Variants in TBXAS1 observed in about 807,000 individuals in gnomAD.
TBXAS1 encodes the protein thromboxane A synthase 1, also known as thromboxane-A synthase.
In TBXAS1, 48 loss-of-function variants were observed where a neutral mutation model predicts 60.7. The ratio of observed to expected loss-of-function variants is 0.79; its 90% CI spans 0.63 to 1.01. The LOEUF is 1.01. TBXAS1 is among the 50% of genes least tolerant of loss of function. The pLI, the probability that TBXAS1 is intolerant of heterozygous loss-of-function variation, is 0.00. For synonymous variants in TBXAS1, 287 were observed against 269.7 expected (o/e 1.06, Z -0.63); for missense variants, 685 against 686.3 (o/e 1.00, Z 0.02).
At chr7:139,800,604 C>A (rs1180895916) in intron 4 of TBXAS1, among the ~76,000 whole-genome samples, 1 of 152,198 alleles carries the variant, frequency 6.6e-6, no homozygotes, top group Non-Finnish European at 1.5e-5. Context: ...CTCCCCCAGA[C>A]CTGAAGCTCC....
At chr7:139,785,365 A>C (rs1217837302) in intron 3 of TBXAS1, among the ~76,000 whole-genome samples, 1 of 152,086 alleles carries the variant, frequency 6.6e-6, no homozygotes, top group Admixed American at 6.6e-5. Flanking sequence ...CACTGCTACC[A>C]AATGGAACTC....
chr7:139,987,602 A>G (rs558356625), intron 9 of TBXAS1, among the ~76,000 whole-genome samples: 5 of 152,250 alleles, frequency 3.3e-5, no homozygotes, highest in African/African-American at 1.2e-4. Context: ...GTGTCTTCCA[A>G]CTTCACTTGC....
chr7:139,995,517 G>A (rs2284212), intron 9 of TBXAS1, among the ~76,000 whole-genome samples: 53,267 of 151,902 alleles, frequency 0.35, 10,332 homozygotes, highest in African/African-American at 0.52. Context: ...GCATCAGACC[G>A]GTCCAGAGGT....
intron 1 of TBXAS1, among the ~76,000 whole-genome samples, chr7:139,850,288 A>G (rs1800122709): frequency 1.3e-5 from 2 of 152,246 alleles, no homozygotes; most frequent in South Asian, 4.1e-4. Flanking sequence ...TTTCCTATAA[A>G]AAAGATGTGC....
chr7:139,960,776 C>T (rs1300961949), intron 8 of TBXAS1, among the ~76,000 whole-genome samples: 2 of 151,576 alleles, frequency 1.3e-5, no homozygotes, highest in African/African-American at 4.8e-5. Context: ...ATGTGTGTGG[C>T]ATAGATTATT....
intron 4 of TBXAS1, among the ~76,000 whole-genome samples, chr7:139,934,116 T>A (rs192706425): frequency 1.1e-4 from 16 of 152,330 alleles, no homozygotes; most frequent in African/African-American, 3.8e-4. Context: ...ATCTAGTTGT[T>A]AGCTTATGAG....
intron 9 of TBXAS1, among the ~76,000 whole-genome samples, chr7:139,993,665 C>T (rs1289600080): frequency 6.6e-6 from 1 of 152,110 alleles, no homozygotes; most frequent in Non-Finnish European, 1.5e-5. Context: ...AGTTTCTCCT[C>T]CTGGATTTTG....
intron 4 of TBXAS1, among the ~76,000 whole-genome samples, chr7:139,806,049 C>G (rs1797866444): frequency 2.0e-5 from 3 of 150,492 alleles, no homozygotes; most frequent in African/African-American, 7.3e-5. Context: ...ATTCTCCTGC[C>G]TCAGCCTCCC....
chr7:139,862,723 G>A (rs1801058228), intron 1 of TBXAS1, among the ~76,000 whole-genome samples: 1 of 152,182 alleles, frequency 6.6e-6, no homozygotes, highest in African/African-American at 2.4e-5. Context: ...AATGAGTAAG[G>A]ACAAGGAGCA....
At chr7:140,019,668 T>C (rs1202602430) in intron 12 of TBXAS1, among the ~76,000 whole-genome samples, 1 of 152,228 alleles carries the variant, frequency 6.6e-6, no homozygotes, top group Non-Finnish European at 1.5e-5. Context: ...TTGGTTTTTC[T>C]TCAAAGTCCC....
intron 5 of TBXAS1, among the ~76,000 whole-genome samples, chr7:139,939,779 A>G (rs1228332081): frequency 6.6e-6 from 1 of 152,102 alleles, no homozygotes; most frequent in Non-Finnish European, 1.5e-5. Context: ...TATAAAGAAG[A>G]CTCAGGAAGA....
chr7:139,793,312 C>G (rs928938490), intron 4 of TBXAS1, among the ~76,000 whole-genome samples: 1 of 152,018 alleles, frequency 6.6e-6, no homozygotes, highest in Non-Finnish European at 1.5e-5. Context: ...CCCAGCTACT[C>G]AAGAGGCCAA....
rs78900031 is a variant in TBXAS1, at chr7:139,916,537, A to G, written c.333+5216A>G. ...TGGGTGGTTTTATCCCGAACCATCA[A>G]TACCCGGCACCCTGGCTGCCCCAGG... is the stretch of plus-strand genomic sequence containing the variant. On this transcript the variant is annotated intron_variant, in intron 4 of 12. Coordinates refer to ENST00000448866, the MANE Select transcript of TBXAS1 (RefSeq NM_001061.7). This position sits in a 1 kb window ranked among gnomAD's most constrained non-coding sequence, Gnocchi z 4.2. Among the ~76,000 whole-genome samples the G allele has an allele frequency of 0.033, 5,084 of 152,238 alleles. 280 individuals carry two copies. Among genetic ancestry groups the G allele is most frequent in the African/African-American group, 0.11 (4,767 of 41,522 alleles).
intron 9 of TBXAS1, among the ~76,000 whole-genome samples, chr7:139,988,026 CT>C (rs1284259470): frequency 1.3e-5 from 2 of 152,206 alleles, no homozygotes; most frequent in African/African-American, 4.8e-5. Context: ...TCACAGCATC[CT>C]ATGGACTGGG....
At chr7:139,910,669 T>C (rs886639092) in intron 3 of TBXAS1, among the ~76,000 whole-genome samples, 3 of 152,152 alleles carry the variant, frequency 2.0e-5, no homozygotes, top group African/African-American at 7.2e-5. Context: ...AAAGTACCTG[T>C]TGAGCTCCTT....
intron 1 of TBXAS1, among the ~76,000 whole-genome samples, chr7:139,843,320 CTTTATTTA>C (rs3070196): frequency 0.43 from 63,518 of 147,660 alleles, 14,609 homozygotes; most frequent in East Asian, 0.8. Flanking sequence ...TACTACTTTA[CTTTATTTA>C]TTTATTTATT....
intron 7 of TBXAS1, among the ~76,000 whole-genome samples, chr7:139,956,338 GT>G (rs1301892674): frequency 6.6e-6 from 1 of 152,074 alleles, no homozygotes; most frequent in African/African-American, 2.4e-5. Context: ...TAGAGAAGGG[GT>G]TTCTCCATGT....
At chr7:139,912,597 G>A (rs1420143186) in intron 4 of TBXAS1, among the ~76,000 whole-genome samples, 1 of 152,132 alleles carries the variant, frequency 6.6e-6, no homozygotes, top group African/African-American at 2.4e-5. Flanking sequence ...AGGAACTCTC[G>A]GTTTAGTGAG....
intron 9 of TBXAS1, among the ~76,000 whole-genome samples, chr7:140,003,508 A>C (rs1238202486): frequency 6.6e-6 from 1 of 152,230 alleles, no homozygotes; most frequent in African/African-American, 2.4e-5. Context: ...CCTGGCCTAC[A>C]TGTGCATCTT....
Sources: allele counts gnomAD v4.1 joint callset (sites outside exome capture counted in the v4.1 genomes callset), GRCh38; gene constraint gnomAD v4.1.1; non-coding constraint Gnocchi (gnomAD v3.1); transcripts MANE v1.5; gene names NCBI Gene and HGNC (gene_info 2026-07-23, HGNC 2026-07-21).